CHM: variants seen among roughly 807,000 people sequenced by gnomAD.
The protein encoded by CHM is rab proteins geranylgeranyltransferase component A 1.
CHM carries 10 observed loss-of-function variants against 49.0 expected under a neutral mutation model. That is an observed-to-expected ratio of 0.20 (90% CI 0.13 to 0.35). CHM has a LOEUF of 0.35. Among genes scored for constraint, CHM ranks in the 10% least tolerant of loss-of-function variants. The pLI is 1.00. For missense variants in CHM, 455 were observed against 478.4 expected (o/e 0.95, Z 0.46); for synonymous variants, 184 against 167.5 (o/e 1.10, Z -0.76).
intron 8 of CHM, among the ~76,000 whole-genome samples, chrX:85,951,202 G>A (rs762416873): frequency 9.0e-6 from 1 of 111,629 alleles, no homozygotes; most frequent in Admixed American, 9.5e-5. Context: ...AATTGCCAAG[G>A]GCAGGGGAGG....
chrX:85,883,333 C>A (rs1924876962), intron 12 of CHM, among the ~76,000 whole-genome samples: 1 of 111,295 alleles, frequency 9.0e-6, no homozygotes, highest in Admixed American at 9.6e-5. Context: ...TTTCATATAA[C>A]TATAAAGGCC....
chrX:86,026,380 C>A, intron 2 of CHM, among the ~76,000 whole-genome samples: 2 of 109,240 alleles, frequency 1.8e-5, no homozygotes, highest in Non-Finnish European at 3.8e-5. Context: ...GATCCGCCCA[C>A]CTCAGCCTCC....
intron 11 of CHM, among the ~76,000 whole-genome samples, chrX:85,899,406 T>G (rs763665316): frequency 9.0e-6 from 1 of 111,382 alleles, no homozygotes; most frequent in Non-Finnish European, 1.9e-5. Context: ...CTACCAGATT[T>G]TTAAATGTAT....
chrX:85,971,950 A>G (rs775863187), intron 4 of CHM, among the ~76,000 whole-genome samples: 14 of 109,422 alleles, frequency 1.3e-4, no homozygotes, highest in Non-Finnish European at 2.5e-4. Flanking sequence ...TGGTGTGTTT[A>G]CAAACCTTGA....
chrX:85,973,048 C>T (rs1340456625), intron 4 of CHM, among the ~76,000 whole-genome samples: 1 of 110,358 alleles, frequency 9.1e-6, no homozygotes, highest in Non-Finnish European at 1.9e-5. Flanking sequence ...TGCCTGTAAT[C>T]CCAGCACTTT....
intron 1 of CHM, among the ~76,000 whole-genome samples, chrX:86,044,844 T>A (rs898856610): frequency 4.5e-5 from 5 of 111,863 alleles, no homozygotes; most frequent in Admixed American, 9.5e-5. Flanking sequence ...TTTCCGCAAT[T>A]CCACTTTAGC....
At chrX:85,893,968 C>A (rs1925649730) in intron 12 of CHM, among the ~76,000 whole-genome samples, 3 of 111,771 alleles carry the variant, frequency 2.7e-5, no homozygotes, top group Admixed American at 1.9e-4. Flanking sequence ...AACTGGAGAA[C>A]TAAAACATCA....
chrX:85,966,281 G>A (rs989608357), intron 4 of CHM, among the ~76,000 whole-genome samples: 3 of 106,988 alleles, frequency 2.8e-5, no homozygotes, highest in South Asian at 4.3e-4. Flanking sequence ...CCCAGGAGGC[G>A]GAGGTAGCAG....
chrX:85,869,088 G>A (rs940248598), intron 14 of CHM, among the ~76,000 whole-genome samples: 2 of 111,015 alleles, frequency 1.8e-5, no homozygotes, highest in African/African-American at 6.6e-5. Flanking sequence ...ACCCCTCTCC[G>A]TAAGGTTCTC....
At chrX:85,869,676 T>A (rs1923927411) in intron 14 of CHM, among the ~76,000 whole-genome samples, 1 of 112,153 alleles carries the variant, frequency 8.9e-6, no homozygotes, top group Non-Finnish European at 1.9e-5. Flanking sequence ...TAGGGTCAAC[T>A]GCCATGCTCT....
At chrX:86,001,702 C>T (rs894318869) in intron 2 of CHM, among the ~76,000 whole-genome samples, 5 of 110,468 alleles carry the variant, frequency 4.5e-5, no homozygotes, top group African/African-American at 9.9e-5. Context: ...GATGCACTCC[C>T]ATGATCCAAA....
At chrX:85,886,631 CT>C (rs1925103312) in intron 12 of CHM, among the ~76,000 whole-genome samples, 1 of 110,764 alleles carries the variant, frequency 9.0e-6, no homozygotes, top group East Asian at 2.8e-4. Flanking sequence ...GGTTTAAAGC[CT>C]TCTATGAGAT....
At position 86,009,958 on chromosome X, in the gene CHM, C is replaced by T. The variant is rs1053175608; in HGVS notation, c.116+17533G>A. Among the ~76,000 whole-genome samples the T allele has an allele frequency of 5.5e-5, 6 of 109,658 alleles. No homozygotes were observed. The East Asian group carries it at 1.4e-3, about 26-fold the overall frequency. ...AATTTTAAAGTCCATCAATGATAGA[C>T]TGGATAAAGAAAATGTGGCACATAT... On this transcript the variant is annotated intron_variant, in intron 2 of 14. Coordinates refer to ENST00000357749, the MANE Select transcript of CHM (RefSeq NM_000390.4).
chrX:85,872,367 T>C (rs927231134), intron 14 of CHM, among the ~76,000 whole-genome samples: 5 of 112,105 alleles, frequency 4.5e-5, no homozygotes, highest in Non-Finnish European at 9.4e-5. Flanking sequence ...AGTATATTTA[T>C]ATATACATAT....
rs764738661 is a variant in CHM at position 85,955,266 on chromosome X, C to T, written c.1166+887G>A. Among the ~76,000 whole-genome samples the T allele has an allele frequency of 2.1e-4, 23 of 111,770 alleles. No homozygotes were observed. In the East Asian group the frequency reaches 2.8e-3, roughly 14 times the overall value. On this transcript the variant is annotated intron_variant, in intron 8 of 14. Coordinates refer to ENST00000357749, the MANE Select transcript of CHM (RefSeq NM_000390.4). ...GAGTATAATTGGATTGTTTTCAACA[C>T]AAAGGATAAATGTGTGAAGGGATGG...
At chrX:85,875,954 A>G (rs762254277) in intron 13 of CHM, among the ~76,000 whole-genome samples, 2 of 111,999 alleles carry the variant, frequency 1.8e-5, no homozygotes, top group Non-Finnish European at 3.8e-5. Context: ...CAATGCCACA[A>G]CAAATATTTA....
At chrX:86,021,806 T>G (rs759270532) in intron 2 of CHM, among the ~76,000 whole-genome samples, 7 of 112,028 alleles carry the variant, frequency 6.2e-5, no homozygotes, top group Non-Finnish European at 1.3e-4. Flanking sequence ...AAACAAAATG[T>G]GGCATACACA....
At chrX:85,868,299 G>A (rs1255667264) in intron 14 of CHM, among the ~76,000 whole-genome samples, 1 of 111,015 alleles carries the variant, frequency 9.0e-6, no homozygotes, top group Non-Finnish European at 1.9e-5. Flanking sequence ...AAGTTCTGGG[G>A]ATCTAATGTA....
chrX:85,890,628 G>C (rs1271459279), intron 12 of CHM, among the ~76,000 whole-genome samples: 1 of 112,083 alleles, frequency 8.9e-6, no homozygotes, highest in Non-Finnish European at 1.9e-5. Context: ...TTTGCCTCCT[G>C]CCATGATTCT....
Sources: allele counts gnomAD v4.1 joint callset (sites outside exome capture counted in the v4.1 genomes callset), GRCh38; gene constraint gnomAD v4.1.1; transcripts MANE v1.5; gene names NCBI Gene and HGNC (gene_info 2026-07-23, HGNC 2026-07-21).